PTPRD: variants seen among roughly 807,000 people sequenced by gnomAD.
The protein encoded by PTPRD is receptor-type tyrosine-protein phosphatase delta.
PTPRD carries 34 observed loss-of-function variants against 214.5 expected under a neutral mutation model. The observed-to-expected ratio is 0.16, with a 90% CI of 0.12 to 0.21. PTPRD has a LOEUF of 0.21. Among genes scored for constraint, PTPRD ranks in the 10% least tolerant of loss-of-function variants. PTPRD has a pLI of 1.00. For missense variants in PTPRD, 2,545 were observed against 2,398.7 expected (o/e 1.06, Z -1.27); for synonymous variants, 1,128 against 845.7 (o/e 1.33, Z -5.79).
At chr9:10,145,440 C>T (rs1305083704) in intron 3 of PTPRD, among the ~76,000 whole-genome samples, 1 of 152,124 alleles carries the variant, frequency 6.6e-6, no homozygotes, top group Admixed American at 6.6e-5. Context: ...TGATCCACTT[C>T]CACTTAATAA....
intron 7 of PTPRD, among the ~76,000 whole-genome samples, chr9:9,710,350 C>G (rs1451479047): frequency 6.6e-6 from 1 of 152,098 alleles, no homozygotes; most frequent in Admixed American, 6.5e-5. Flanking sequence ...TTCCACATAT[C>G]AAGAGGTACT....
chr9:8,366,576 C>A (rs1053582047), intron 39 of PTPRD, among the ~76,000 whole-genome samples: 4 of 152,190 alleles, frequency 2.6e-5, no homozygotes, highest in African/African-American at 9.6e-5. Flanking sequence ...TCCCAGAAAT[C>A]TGAACCCTCA....
chr9:10,200,794 G>A (rs1006704750), intron 3 of PTPRD, among the ~76,000 whole-genome samples: 1 of 151,954 alleles, frequency 6.6e-6, no homozygotes, highest in Non-Finnish European at 1.5e-5. Flanking sequence ...TTTTACCTGA[G>A]GAAAAATATA....
At chr9:9,894,229 T>C (rs762398825) in intron 5 of PTPRD, among the ~76,000 whole-genome samples, 2 of 152,170 alleles carry the variant, frequency 1.3e-5, no homozygotes, top group African/African-American at 4.8e-5. Flanking sequence ...GCCTCTGTTA[T>C]GGGTCTCTCA....
chr9:9,320,149 T>G (rs1569567328), intron 9 of PTPRD, among the ~76,000 whole-genome samples: 1 of 152,182 alleles, frequency 6.6e-6, no homozygotes, highest in South Asian at 2.1e-4. Flanking sequence ...CTTTTTGTAA[T>G]GTCAAAAATG....
At chr9:10,369,100 T>G (rs1453251403) in intron 2 of PTPRD, among the ~76,000 whole-genome samples, 1 of 152,058 alleles carries the variant, frequency 6.6e-6, no homozygotes. Context: ...TGTGCTAAAT[T>G]TGAAGTCAAA....
At position 10,449,071 on chromosome 9, in the gene PTPRD, GGTCTCCCTCTGATGCCCA is replaced by G. The variant is rs2098818836; in HGVS notation, c.-599-108072_-599-108055del. 1.3e-5 allele frequency among the ~76,000 whole-genome samples: 2 copies of G among 151,298 alleles called. 1 individual carries two copies. Among genetic ancestry groups the G allele is most frequent in the African/African-American group, 4.9e-5 (2 of 40,752 alleles). ...TCCCTCTCCGTCTCCCACTTTCCAC[GGTCTCCCTCTGATGCCCA>G]GCCGAGGCTGGACTGTACTGCCGCC... On this transcript the variant is annotated intron_variant, in intron 2 of 45. Coordinates refer to ENST00000381196, the MANE Select transcript of PTPRD (RefSeq NM_002839.4).
intron 2 of PTPRD, among the ~76,000 whole-genome samples, chr9:10,451,346 C>T (rs947516834): frequency 2.0e-5 from 3 of 151,826 alleles, no homozygotes; most frequent in African/African-American, 7.3e-5. Flanking sequence ...TGACTGGAGT[C>T]TGTGATTACA....
intron 8 of PTPRD, among the ~76,000 whole-genome samples, chr9:9,560,130 C>G (rs1193202339): frequency 3.3e-5 from 5 of 152,194 alleles, no homozygotes; most frequent in African/African-American, 1.2e-4. Context: ...CTGGGTTGCA[C>G]AGCAATGTTC....
intron 8 of PTPRD, among the ~76,000 whole-genome samples, chr9:9,528,505 T>C (rs74714124): frequency 0.012 from 1,890 of 152,274 alleles, 38 homozygotes; most frequent in African/African-American, 0.043. Context: ...ATTTATGTCA[T>C]TGAGTTCCCA....
intron 12 of PTPRD, among the ~76,000 whole-genome samples, chr9:8,682,671 C>G (rs2097573398): frequency 6.6e-6 from 1 of 152,068 alleles, no homozygotes; most frequent in African/African-American, 2.4e-5. Flanking sequence ...TTTCTTAAAA[C>G]ATTGAACAGA....
At chr9:10,183,040 T>G (rs2099309560) in intron 3 of PTPRD, among the ~76,000 whole-genome samples, 1 of 152,172 alleles carries the variant, frequency 6.6e-6, no homozygotes, top group African/African-American at 2.4e-5. Context: ...TAAGTGGGGA[T>G]AATAATGATT....
At chr9:8,355,927 G>A (rs1188720613) in intron 39 of PTPRD, among the ~76,000 whole-genome samples, 4 of 152,016 alleles carry the variant, frequency 2.6e-5, no homozygotes, top group South Asian at 4.1e-4. Context: ...TGTAAATACA[G>A]ACAAAAAGGT....
At chr9:10,109,701 T>C (rs1417735528) in intron 3 of PTPRD, among the ~76,000 whole-genome samples, 2 of 152,174 alleles carry the variant, frequency 1.3e-5, no homozygotes, top group Non-Finnish European at 2.9e-5. Flanking sequence ...GGTTGAGTGA[T>C]GGGGTGTCTG....
chr9:10,203,031 G>T (rs1443743467), intron 3 of PTPRD, among the ~76,000 whole-genome samples: 4 of 151,926 alleles, frequency 2.6e-5, no homozygotes, highest in African/African-American at 7.3e-5. Flanking sequence ...ATATAGCATA[G>T]ATACAGACAG....
chr9:10,313,836 A>C (rs1198474421), intron 3 of PTPRD, among the ~76,000 whole-genome samples: 1 of 151,898 alleles, frequency 6.6e-6, no homozygotes, highest in African/African-American at 2.4e-5. Context: ...CTATGCAGAG[A>C]GAGATGTATA....
intron 10 of PTPRD, among the ~76,000 whole-genome samples, chr9:9,104,575 G>C (rs928754693): frequency 6.6e-6 from 1 of 152,288 alleles, no homozygotes; most frequent in Admixed American, 6.5e-5. Flanking sequence ...CTGAATGCCA[G>C]TGCTGTCAGC....
rs888829639 is a variant in PTPRD, at chr9:8,316,733, T to G, written c.*1141A>C. On this transcript the variant is annotated 3_prime_UTR_variant, in exon 46 of 46. Transcript: ENST00000381196. ...GATTGATTGGTTAGGTGGGGGTAGATTAGGTAGGAAATCAGGGGGTGAGGT... is the reference window on the plus strand; with the variant it reads ...GATTGATTGGTTAGGTGGGGGTAGAGTAGGTAGGAAATCAGGGGGTGAGGT... The G allele has an allele frequency of 8.7e-6, 2 of 229,846 alleles. No individual in the cohort carries two copies. Among genetic ancestry groups the G allele is most frequent in the Non-Finnish European group, 1.7e-5 (2 of 116,120 alleles). 14.2% of individuals were successfully genotyped at this position (229,846 alleles called of 1,614,324 possible).
intron 9 of PTPRD, among the ~76,000 whole-genome samples, chr9:9,215,636 C>A (rs10977586): frequency 6.6e-6 from 1 of 151,662 alleles, no homozygotes; most frequent in Non-Finnish European, 1.5e-5. Flanking sequence ...GGAGTTGGGA[C>A]GAAGGGAGCA....
Sources: allele counts gnomAD v4.1 joint callset (sites outside exome capture counted in the v4.1 genomes callset), GRCh38; gene constraint gnomAD v4.1.1; transcripts MANE v1.5; gene names NCBI Gene and HGNC (gene_info 2026-07-23, HGNC 2026-07-21).